Variants in CCBE1 observed in about 807,000 individuals in gnomAD.
CCBE1 encodes collagen and calcium binding EGF domains 1.
In CCBE1, 37 loss-of-function variants were observed where a neutral mutation model predicts 50.0. The ratio of observed to expected loss-of-function variants is 0.74; its 90% CI spans 0.57 to 0.97. The LOEUF is 0.97. CCBE1 is among the 50% of genes least tolerant of loss of function. The pLI, the probability that CCBE1 is intolerant of heterozygous loss-of-function variation, is 0.00. For missense variants in CCBE1, 538 were observed against 523.8 expected, an observed-to-expected ratio of 1.03 and a Z score of -0.26; for synonymous variants, 234 against 203.7, an observed-to-expected ratio of 1.15 and a Z score of -1.27.
chr18:59,639,054 G>T (rs1355800263), intron 2 of CCBE1, among the ~76,000 whole-genome samples: 1 of 152,148 alleles, frequency 6.6e-6, no homozygotes, highest in East Asian at 1.9e-4. Flanking sequence ...CTACAGGTCT[G>T]CTTGGGCCCA....
In CCBE1 at chr18:59,597,343, G is replaced by A. The variant is rs778420049; in HGVS notation, c.212+99286C>T. On this transcript the variant is annotated intron_variant, in intron 2 of 10. Coordinates refer to ENST00000439986, the MANE Select transcript of CCBE1 (RefSeq NM_133459.4). ...TATTAGGTATTAGTCAACGTAATGC[G>A]GAGTCAGGAAAGGAACAAAATGGGT... Among the ~76,000 whole-genome samples, 15 of 152,342 alleles carry A rather than the reference G, an allele frequency of 9.8e-5. No homozygotes were observed. In the East Asian group the frequency reaches 2.1e-3, roughly 22 times the overall value.
rs374941368 is a variant in CCBE1, at chr18:59,697,287, C to T, written c.56G>A (p.Ser19Asn). Residue 19 changes from serine to asparagine, a missense_variant, in exon 1 of 11, where the codon AGC (serine) becomes AAC (asparagine). Physicochemically the swap from Ser to Asn is conservative, Grantham distance 46. Coordinates refer to ENST00000439986, the MANE Select transcript of CCBE1 (RefSeq NM_133459.4). ...GGAARGQLGR[S>N]LGPLLLLLAL... The stretch of plus-strand genomic sequence containing the variant: ...CAGGAGCAGCAGCAGCGGACCCAGG[C>T]TCCTGCCCAGCTGGCCCCTGGCAGC... The T allele has an allele frequency of 4.5e-6, 7 of 1,549,206 alleles. No homozygotes were observed. The highest frequency in any genetic ancestry group is 1.4e-5 in the African/African-American group (1 of 73,148).
In CCBE1 at chr18:59,450,214, C is replaced by T. The variant is rs77793087; in HGVS notation, c.655-2111G>A. On this transcript the variant is annotated intron_variant, in intron 6 of 10. Coordinates refer to ENST00000439986, the MANE Select transcript of CCBE1 (RefSeq NM_133459.4). ...CCTCAAAGAGCTGTTGGGATGAATCCGTGAGATGCATCTTGAAGGTACTTT... is the reference window on the plus strand; with the variant it reads ...CCTCAAAGAGCTGTTGGGATGAATCTGTGAGATGCATCTTGAAGGTACTTT... Among the ~76,000 whole-genome samples the T allele has an allele frequency of 0.012, 1,800 of 152,182 alleles. 123 individuals are homozygous for T. The East Asian group carries it at 0.21, about 18-fold the overall frequency.
At chr18:59,577,658 C>T (rs554868861) in intron 2 of CCBE1, among the ~76,000 whole-genome samples, 10 of 152,270 alleles carry the variant, frequency 6.6e-5, no homozygotes, top group Non-Finnish European at 1.2e-4. Context: ...GGCACACACC[C>T]CATGTGTGTT....
intron 2 of CCBE1, among the ~76,000 whole-genome samples, chr18:59,501,222 C>T (rs1913604480): frequency 1.3e-5 from 2 of 152,186 alleles, no homozygotes; most frequent in African/African-American, 4.8e-5. Flanking sequence ...CCGGCTGGGA[C>T]GTCAAGTCGA....
At chr18:59,557,892 C>T (rs1032123140) in intron 2 of CCBE1, among the ~76,000 whole-genome samples, 8 of 152,290 alleles carry the variant, frequency 5.3e-5, no homozygotes, top group East Asian at 1.9e-4. Flanking sequence ...CAAGACCCTC[C>T]GCTGGTAACA....
intron 2 of CCBE1, among the ~76,000 whole-genome samples, chr18:59,658,612 T>C (rs373106082): frequency 2.1e-4 from 32 of 149,862 alleles, no homozygotes; most frequent in African/African-American, 6.8e-4. Context: ...CAGGGCACAG[T>C]GGCTCACGCC....
chr18:59,663,452 T>A (rs976836018), intron 2 of CCBE1, among the ~76,000 whole-genome samples: 2 of 152,118 alleles, frequency 1.3e-5, no homozygotes, highest in Non-Finnish European at 2.9e-5. Context: ...CCCCTTTCAT[T>A]TTTAAAATCA....
chr18:59,467,020 C>A, intron 4 of CCBE1, 129 bp from the exon 5 acceptor site: 1 of 800,526 alleles, frequency 1.2e-6, no homozygotes, highest in Non-Finnish European at 2.1e-6. Context: ...ATCAGAGCAG[C>A]CTGGAATAAA....
At chr18:59,532,455 C>T (rs1192352430) in intron 2 of CCBE1, among the ~76,000 whole-genome samples, 1 of 152,172 alleles carries the variant, frequency 6.6e-6, no homozygotes, top group East Asian at 1.9e-4. Context: ...GCAATGTGGA[C>T]CTGTACCAAT....
chr18:59,436,738 G>A (rs1910174853), intron 10 of CCBE1, among the ~76,000 whole-genome samples: 1 of 152,182 alleles, frequency 6.6e-6, no homozygotes, highest in African/African-American at 2.4e-5. Context: ...GGAGGCCGAG[G>A]TGGATGGATA....
At chr18:59,593,403 T>C (rs2053303256) in intron 2 of CCBE1, among the ~76,000 whole-genome samples, 1 of 152,240 alleles carries the variant, frequency 6.6e-6, no homozygotes, top group Admixed American at 6.5e-5. Context: ...AAGAAAAACA[T>C]GAATAGTAGA....
At chr18:59,477,634 A>C (rs752742233) in intron 3 of CCBE1, among the ~76,000 whole-genome samples, 6 of 151,238 alleles carry the variant, frequency 4.0e-5, no homozygotes, top group Non-Finnish European at 8.8e-5. Context: ...AGATGTAGTG[A>C]CTTTATATCA....
intron 2 of CCBE1, among the ~76,000 whole-genome samples, chr18:59,635,252 G>A (rs184805840): frequency 4.6e-5 from 7 of 152,272 alleles, no homozygotes; most frequent in South Asian, 2.1e-4. Flanking sequence ...CTAGAATTGC[G>A]GATATGGCTA....
At chr18:59,641,528 T>A (rs2053990567) in intron 2 of CCBE1, among the ~76,000 whole-genome samples, 1 of 143,166 alleles carries the variant, frequency 7.0e-6, no homozygotes, top group African/African-American at 2.5e-5. Context: ...GATAAAATAA[T>A]CTGTACACCA....
intron 2 of CCBE1, among the ~76,000 whole-genome samples, chr18:59,540,968 A>G (rs1275555945): frequency 6.6e-6 from 1 of 152,138 alleles, no homozygotes; most frequent in African/African-American, 2.4e-5. Flanking sequence ...CAACTCAAAG[A>G]CCTAGTCCCT....
intron 3 of CCBE1, among the ~76,000 whole-genome samples, chr18:59,471,668 T>C (rs1328651845): frequency 1.3e-5 from 2 of 152,238 alleles, no homozygotes; most frequent in African/African-American, 4.8e-5. Context: ...GGCTACTTTG[T>C]GACTTGGGCT....
intron 2 of CCBE1, among the ~76,000 whole-genome samples, chr18:59,653,264 C>A (rs991693426): frequency 3.3e-5 from 5 of 152,198 alleles, no homozygotes; most frequent in Non-Finnish European, 5.9e-5. Flanking sequence ...TGGTGAGAAC[C>A]AAACCAGGCT....
chr18:59,521,365 T>C (rs559374639), intron 2 of CCBE1, among the ~76,000 whole-genome samples: 253 of 152,380 alleles, frequency 1.7e-3, no homozygotes, highest in Middle Eastern at 6.8e-3. Flanking sequence ...AATAAAGAAA[T>C]GTATCCATGA....
Sources: allele counts gnomAD v4.1 joint callset (sites outside exome capture counted in the v4.1 genomes callset), GRCh38; gene constraint gnomAD v4.1.1; transcripts MANE v1.5; gene names NCBI Gene and HGNC (gene_info 2026-07-23, HGNC 2026-07-21).